Variants in PRKD1 observed in about 807,000 individuals in gnomAD.
The protein encoded by PRKD1 is serine/threonine-protein kinase D1.
In PRKD1, 63 loss-of-function variants were observed where a neutral mutation model predicts 95.9. The ratio of observed to expected loss-of-function variants is 0.66; its 90% CI spans 0.54 to 0.81. The LOEUF is 0.81. PRKD1 is among the 30% of genes least tolerant of loss of function. PRKD1 has a pLI of 0.00. For synonymous variants in PRKD1, 425 were observed against 423.1 expected (o/e 1.00, Z -0.05); for missense variants, 1,048 against 1,165.3 (o/e 0.90, Z 1.47).
In PRKD1 at chr14:29,634,640, T is replaced by C. The variant is rs575544316; in HGVS notation, c.1191-99A>G. The C allele has an allele frequency of 3.2e-5, 47 of 1,479,212 alleles. No individual in the cohort carries two copies. The Middle Eastern group carries it at 5.4e-4, about 17-fold the overall frequency. The allele number at this position is 1,479,212 out of a possible 1,614,324, so 91.6% of individuals were successfully genotyped here. A position where few individuals can be genotyped will look rare whatever the true frequency, so the allele number is the denominator to read the frequency against. ...ATGTCAGCTAATCCAAGTGAAACTT[T>C]ACAAAATTCACATCTCATGTTTAGT... is the stretch of plus-strand genomic sequence containing the variant. On this transcript the variant is annotated intron_variant, in intron 7 of 17. Coordinates refer to ENST00000331968, the MANE Select transcript of PRKD1 (RefSeq NM_002742.3).
intron 13 of PRKD1, among the ~76,000 whole-genome samples, chr14:29,619,599 T>A (rs1014409369): frequency 3.3e-5 from 5 of 152,000 alleles, no homozygotes; most frequent in Non-Finnish European, 7.4e-5. Flanking sequence ...AATTCTATAG[T>A]AGGTTAGAAA....
chr14:29,737,050 C>T lies in PRKD1; in HGVS notation c.265-11376G>A, dbSNP rs1886750778. 1.3e-5 allele frequency among the ~76,000 whole-genome samples: 2 copies of T among 151,994 alleles called. 1 individual carries two copies. Among genetic ancestry groups the T allele is most frequent in the South Asian group, 4.1e-4 (2 of 4,820 alleles). ...GGAAATGAAAATACTCGGCCGGGCG[C>T]GGTGGCTCACGCCTGTAATCCCAGC... On this transcript the variant is annotated intron_variant, in intron 1 of 17. Transcript: ENST00000331968.
At chr14:29,740,076 T>C (rs1439061210) in intron 1 of PRKD1, among the ~76,000 whole-genome samples, 2 of 152,220 alleles carry the variant, frequency 1.3e-5, no homozygotes, top group Non-Finnish European at 2.9e-5. Context: ...TCTTGCATTA[T>C]ACCTTGACAG....
chr14:29,657,447 ACTAT>A (rs1594402084), intron 4 of PRKD1: 1 of 152,332 alleles, frequency 6.6e-6, no homozygotes, highest in East Asian at 1.9e-4. Flanking sequence ...GAAAAATCCT[ACTAT>A]CTGTTTGTTT....
At chr14:29,809,046 G>A (rs2139238078) in intron 1 of PRKD1, among the ~76,000 whole-genome samples, 1 of 152,320 alleles carries the variant, frequency 6.6e-6, no homozygotes, top group Non-Finnish European at 1.5e-5. Flanking sequence ...TCCATTAGCA[G>A]CTATGAAAAC....
intron 1 of PRKD1, among the ~76,000 whole-genome samples, chr14:29,891,622 T>C (rs1223433161): frequency 6.6e-6 from 1 of 151,950 alleles, no homozygotes; most frequent in Admixed American, 6.6e-5. Context: ...GGGTCTCTCA[T>C]AATCCACCTT....
At chr14:29,904,046 G>A (rs1409870591) in intron 1 of PRKD1, among the ~76,000 whole-genome samples, 2 of 151,964 alleles carry the variant, frequency 1.3e-5, no homozygotes, top group Admixed American at 6.6e-5. Flanking sequence ...GGAAACATTT[G>A]GCAACATAAG....
chr14:29,926,368 C>A (rs560685631), intron 1 of PRKD1, among the ~76,000 whole-genome samples: 1 of 152,262 alleles, frequency 6.6e-6, no homozygotes, highest in African/African-American at 2.4e-5. Flanking sequence ...CTCTGCCTCA[C>A]GTCTGTATCA....
At chr14:29,820,166 C>T (rs938947980) in intron 1 of PRKD1, among the ~76,000 whole-genome samples, 1 of 152,162 alleles carries the variant, frequency 6.6e-6, no homozygotes, top group African/African-American at 2.4e-5. Context: ...AAATAAGGTT[C>T]ATTCATACCA....
chr14:29,815,734 C>T (rs1315489610), intron 1 of PRKD1, among the ~76,000 whole-genome samples: 1 of 152,148 alleles, frequency 6.6e-6, no homozygotes, highest in Non-Finnish European at 1.5e-5. Context: ...AACTGTGTTT[C>T]TCAAATAGCG....
intron 2 of PRKD1, among the ~76,000 whole-genome samples, chr14:29,703,572 A>T (rs183096746): frequency 1.3e-5 from 2 of 152,328 alleles, no homozygotes; most frequent in Admixed American, 1.3e-4. Context: ...ACTATCTCAC[A>T]ATCAGAAAAT....
intron 1 of PRKD1, among the ~76,000 whole-genome samples, chr14:29,735,324 G>A (rs1886660515): frequency 1.3e-5 from 2 of 152,176 alleles, no homozygotes; most frequent in African/African-American, 4.8e-5. Context: ...GCTACACTGG[G>A]TGGAACTTTA....
chr14:29,676,177 G>GGTTTTTTTTTTTT (rs1555334424), intron 2 of PRKD1, among the ~76,000 whole-genome samples: 7 of 104,762 alleles, frequency 6.7e-5, no homozygotes, highest in African/African-American at 2.9e-4. Context: ...AGTTCATTAC[G>GGTTTTTTTTTTTT]TTTTTGTTTT....
chr14:29,896,996 T>G (rs773845253), intron 1 of PRKD1, among the ~76,000 whole-genome samples: 1 of 151,818 alleles, frequency 6.6e-6, no homozygotes, highest in East Asian at 1.9e-4. Flanking sequence ...AAAAAATTTA[T>G]AATTTTTTCA....
intron 16 of PRKD1, chr14:29,591,425 C>T (rs182178073): frequency 6.6e-6 from 1 of 152,152 alleles, no homozygotes; most frequent in Admixed American, 6.5e-5. Context: ...GCTCTATCAG[C>T]TGTAAGTTAT....
Position 29,795,190 on chromosome 14 carries a change from CTA to C in PRKD1, c.265-69518_265-69517del, listed in dbSNP as rs527520158. On this transcript the variant is annotated intron_variant, in intron 1 of 17. Transcript: ENST00000331968. ...CTAAATGGATCAATAGTTCATCAAACTATTATATTTATTGAGATGCTAAATAC... is the reference window on the plus strand; with the variant it reads ...CTAAATGGATCAATAGTTCATCAAACTTATATTTATTGAGATGCTAAATAC... Among the ~76,000 whole-genome samples the C allele has an allele frequency of 5.2e-3, 794 of 152,024 alleles. 3 individuals are homozygous for C. The highest frequency in any genetic ancestry group is 8.7e-3 in the Non-Finnish European group (592 of 67,896).
chr14:29,733,631 C>T (rs1395592860), intron 1 of PRKD1, among the ~76,000 whole-genome samples: 3 of 152,070 alleles, frequency 2.0e-5, no homozygotes, highest in East Asian at 1.9e-4. Context: ...AGGAGAATTG[C>T]TGAGTGAAGG....
chr14:29,723,357 T>C (rs938608260), intron 2 of PRKD1, among the ~76,000 whole-genome samples: 2 of 151,982 alleles, frequency 1.3e-5, no homozygotes, highest in East Asian at 3.9e-4. Flanking sequence ...GCAAAGCCTC[T>C]TGGAAATGGG....
chr14:29,659,950 C>T (rs538280747), intron 4 of PRKD1, among the ~76,000 whole-genome samples: 2 of 151,966 alleles, frequency 1.3e-5, no homozygotes, highest in South Asian at 2.1e-4. Context: ...TTTAATGATG[C>T]CCAATTTATC....
Sources: allele counts gnomAD v4.1 joint callset (sites outside exome capture counted in the v4.1 genomes callset), GRCh38; gene constraint gnomAD v4.1.1; transcripts MANE v1.5; gene names NCBI Gene and HGNC (gene_info 2026-07-23, HGNC 2026-07-21).